FBXL7: variants seen among roughly 807,000 people sequenced by gnomAD.
FBXL7 encodes the protein F-box and leucine rich repeat protein 7.
Under a neutral mutation model 38.3 loss-of-function variants are expected in FBXL7, and 12 were observed. The ratio of observed to expected loss-of-function variants is 0.31; its 90% CI spans 0.20 to 0.51. The LOEUF is 0.51. Ranked by LOEUF, FBXL7 falls within the 20% of genes least tolerant of loss-of-function variation. FBXL7 has a pLI of 0.98. For synonymous variants in FBXL7, 297 were observed against 300.9 expected (o/e 0.99, Z 0.13); for missense variants, 567 against 676.4 (o/e 0.84, Z 1.79).
chr5:15,698,996 T>C (rs555506940), intron 2 of FBXL7, among the ~76,000 whole-genome samples: 1 of 152,312 alleles, frequency 6.6e-6, no homozygotes, highest in Non-Finnish European at 1.5e-5. Flanking sequence ...TTTTCTTTTC[T>C]TTTTTCTTCT....
chr5:15,842,213 T>C (rs1561147679), intron 2 of FBXL7, among the ~76,000 whole-genome samples: 1 of 152,202 alleles, frequency 6.6e-6, no homozygotes, highest in Non-Finnish European at 1.5e-5. Context: ...AGCCCACCTC[T>C]TGCATCAGCA....
chr5:15,906,358 G>A (rs1741361975), intron 2 of FBXL7, among the ~76,000 whole-genome samples: 1 of 151,140 alleles, frequency 6.6e-6, no homozygotes, highest in Admixed American at 6.6e-5. Flanking sequence ...ATTATAGGCT[G>A]TTGAGATATG....
intron 2 of FBXL7, among the ~76,000 whole-genome samples, chr5:15,644,689 G>T (rs1741475475): frequency 6.6e-6 from 1 of 152,218 alleles, no homozygotes; most frequent in Non-Finnish European, 1.5e-5. Flanking sequence ...ATGGGTGTAT[G>T]AGATGATTGG....
At chr5:15,608,134 ATTATT>A (rs1442796130) in intron 1 of FBXL7, among the ~76,000 whole-genome samples, 1 of 152,188 alleles carries the variant, frequency 6.6e-6, no homozygotes, top group Non-Finnish European at 1.5e-5. Context: ...TAGTAAAATA[ATTATT>A]TTAAATTTCC....
chr5:15,866,451 A>G (rs1055162756), intron 2 of FBXL7, among the ~76,000 whole-genome samples: 4 of 152,240 alleles, frequency 2.6e-5, no homozygotes, highest in Non-Finnish European at 4.4e-5. Flanking sequence ...CTAGCCACTC[A>G]TGATCAGAAG....
chr5:15,599,444 G>A (rs189010654), intron 1 of FBXL7, among the ~76,000 whole-genome samples: 20 of 152,264 alleles, frequency 1.3e-4, no homozygotes, highest in Non-Finnish European at 2.6e-4. Flanking sequence ...GGAAGAGAAA[G>A]TTGGCTAAAA....
intron 2 of FBXL7, among the ~76,000 whole-genome samples, chr5:15,643,404 G>A (rs1741430510): frequency 6.6e-6 from 1 of 152,166 alleles, no homozygotes; most frequent in African/African-American, 2.4e-5. Context: ...TCAATGTAGT[G>A]CTTAAAAGAA....
intron 2 of FBXL7, among the ~76,000 whole-genome samples, chr5:15,820,559 G>A (rs1738142415): frequency 6.6e-6 from 1 of 152,086 alleles, no homozygotes; most frequent in Non-Finnish European, 1.5e-5. Flanking sequence ...GGATGTTTGT[G>A]GGTTTCTTCC....
At chr5:15,624,495 G>T (rs13185309) in intron 2 of FBXL7, among the ~76,000 whole-genome samples, 1 of 152,186 alleles carries the variant, frequency 6.6e-6, no homozygotes, top group Admixed American at 6.6e-5. Context: ...GATCACTCTA[G>T]TGTATTGACT....
At chr5:15,756,448 C>T (rs1736298675) in intron 2 of FBXL7, among the ~76,000 whole-genome samples, 1 of 152,178 alleles carries the variant, frequency 6.6e-6, no homozygotes, top group Admixed American at 6.6e-5. Flanking sequence ...GTAAATTACT[C>T]TCTTTCCTTT....
chr5:15,859,980 A>G (rs2126805666), intron 2 of FBXL7, among the ~76,000 whole-genome samples: 1 of 152,326 alleles, frequency 6.6e-6, no homozygotes, highest in East Asian at 1.9e-4. Context: ...TCATTCCTTC[A>G]TGGGTAGTTA....
chr5:15,581,312 A>G (rs1739132045), intron 1 of FBXL7, among the ~76,000 whole-genome samples: 1 of 152,040 alleles, frequency 6.6e-6, no homozygotes, highest in African/African-American at 2.4e-5. Context: ...AAAATGCATG[A>G]AAGACTAAAT....
intron 2 of FBXL7, among the ~76,000 whole-genome samples, chr5:15,856,417 G>A (rs1739273733): frequency 6.6e-6 from 1 of 151,918 alleles, no homozygotes; most frequent in East Asian, 1.9e-4. Flanking sequence ...GGTGGGAGGT[G>A]GGAGAGGATC....
intron 2 of FBXL7, among the ~76,000 whole-genome samples, chr5:15,878,342 A>T (rs1740298268): frequency 6.6e-6 from 1 of 152,170 alleles, no homozygotes; most frequent in Non-Finnish European, 1.5e-5. Flanking sequence ...ATAAACTCAA[A>T]GTGATGCCCT....
intron 1 of FBXL7, among the ~76,000 whole-genome samples, chr5:15,567,554 C>T (rs535837687): frequency 6.6e-6 from 1 of 151,746 alleles, no homozygotes; most frequent in African/African-American, 2.4e-5. Context: ...TCACTGAGAA[C>T]CTTTTGCCCT....
intron 2 of FBXL7, among the ~76,000 whole-genome samples, chr5:15,702,699 T>C (rs1743566556): frequency 6.6e-6 from 1 of 152,250 alleles, no homozygotes; most frequent in South Asian, 2.1e-4. Flanking sequence ...GACTCTTCTC[T>C]GTAGATCAAA....
intron 2 of FBXL7, 99 bp from the exon 3 acceptor site, chr5:15,927,783 AAAAAGAAG>A: frequency 1.2e-6 from 1 of 822,824 alleles, no homozygotes; most frequent in East Asian, 3.0e-5. Context: ...AAAAAAAAAA[AAAAAGAAG>A]AAGAAAGAAA....
intron 2 of FBXL7, among the ~76,000 whole-genome samples, chr5:15,687,009 C>T (rs776045911): frequency 6.6e-6 from 1 of 152,164 alleles, no homozygotes; most frequent in Non-Finnish European, 1.5e-5. Context: ...TTCAAGCAAA[C>T]CCATCCCCAT....
chr5:15,587,591 G>A (rs572256623), intron 1 of FBXL7, among the ~76,000 whole-genome samples: 15 of 152,250 alleles, frequency 9.9e-5, no homozygotes, highest in African/African-American at 2.6e-4. Context: ...TGTAGTTATC[G>A]TTCAAGAGTC....
Sources: gnomAD v4.1 joint callset for allele counts (sites outside exome capture counted in the v4.1 genomes callset) on GRCh38, gnomAD v4.1.1 for gene constraint, MANE v1.5 for transcripts, NCBI Gene and HGNC (gene_info 2026-07-23, HGNC 2026-07-21) for gene names.